The following NPAS3 variants were observed in gnomAD, a reference collection of about 807,000 sequenced individuals.
NPAS3 encodes the protein neuronal PAS domain-containing protein 3.
A neutral mutation model predicts 73.1 loss-of-function variants in NPAS3; 14 were observed. The ratio of observed to expected loss-of-function variants is 0.19; its 90% confidence interval spans 0.13 to 0.30. The LOEUF (loss-of-function observed/expected upper bound fraction) is 0.30. Among genes scored for constraint, NPAS3 ranks in the 10% least tolerant of loss-of-function variants. NPAS3 has a pLI of 1.00. For missense variants in NPAS3, 1,096 were observed against 1,250.0 expected (o/e 0.88, Z 1.86); for synonymous variants, 620 against 541.5 (o/e 1.14, Z -2.01).
At chr14:33,246,944 G>T (rs569019374) in intron 3 of NPAS3, among the ~76,000 whole-genome samples, 2 of 151,390 alleles carry the variant, frequency 1.3e-5, no homozygotes, top group African/African-American at 4.8e-5. Flanking sequence ...AACCTGGGAG[G>T]CAGATGTTGC....
chr14:33,523,888 G>T (rs2053671755), intron 4 of NPAS3, among the ~76,000 whole-genome samples: 1 of 152,084 alleles, frequency 6.6e-6, no homozygotes, highest in African/African-American at 2.4e-5. Flanking sequence ...TTATATGTGT[G>T]GGGCCACAAC....
intron 4 of NPAS3, among the ~76,000 whole-genome samples, chr14:33,446,183 T>G (rs1163808855): frequency 7.2e-6 from 1 of 138,346 alleles, no homozygotes; most frequent in Non-Finnish European, 1.6e-5. Context: ...TTTTTTTTTT[T>G]TTTGAGACGG....
chr14:33,197,237 C>CTGTGTGTGTGTGTGTGTGTG lies in NPAS3; in HGVS notation c.141-17933_141-17914dup, dbSNP rs11268151. Among the ~76,000 whole-genome samples, 271 of 135,296 alleles carry CTGTGTGTGTGTGTGTGTGTG rather than the reference C, an allele frequency of 2.0e-3. 1 individual carries two copies. The highest frequency in any genetic ancestry group is 4.6e-3 in the African/African-American group (170 of 37,360). 88.8% of individuals were successfully genotyped at this position (135,296 alleles called of 152,430 possible). A position where few individuals can be genotyped will look rare whatever the true frequency, so the allele number is the denominator to read the frequency against. On this transcript the variant is annotated intron_variant, in intron 2 of 11. Transcript: ENST00000356141. ...CTGCTCTGGGATGCACTCCAGCAGG[C>CTGTGTGTGTGTGTGTGTGTG]TGTGTGTGTGTGTGTGTGTGTGTGT...
intron 3 of NPAS3, among the ~76,000 whole-genome samples, chr14:33,313,483 T>C (rs1183732307): frequency 6.6e-6 from 1 of 152,120 alleles, no homozygotes; most frequent in African/African-American, 2.4e-5. Context: ...AAATGAAATG[T>C]CTATCCTGCT....
intron 3 of NPAS3, among the ~76,000 whole-genome samples, chr14:33,244,525 A>C (rs1315891167): frequency 6.6e-6 from 1 of 150,554 alleles, no homozygotes; most frequent in Non-Finnish European, 1.5e-5. Flanking sequence ...AAAAAAAAAA[A>C]CATATTTATC....
intron 4 of NPAS3, among the ~76,000 whole-genome samples, chr14:33,376,004 T>C (rs1250455584): frequency 2.0e-5 from 3 of 152,156 alleles, no homozygotes; most frequent in Admixed American, 1.3e-4. Context: ...ACTTACGGAA[T>C]TGGTTTCACT....
intron 3 of NPAS3, among the ~76,000 whole-genome samples, chr14:33,312,289 G>A (rs2043033924): frequency 6.6e-6 from 1 of 151,944 alleles, no homozygotes; most frequent in Non-Finnish European, 1.5e-5. Context: ...CTTTAGACTT[G>A]TAAAGATGTA....
intron 3 of NPAS3, among the ~76,000 whole-genome samples, chr14:33,312,845 G>T (rs2043059566): frequency 2.2e-5 from 1 of 45,448 alleles, no homozygotes; most frequent in Admixed American, 1.8e-4. Flanking sequence ...AGTGGAGTAG[G>T]GGGAAGCCAT....
At chr14:33,086,050 T>C (rs2042014896) in intron 2 of NPAS3, among the ~76,000 whole-genome samples, 1 of 152,156 alleles carries the variant, frequency 6.6e-6, no homozygotes, top group Admixed American at 6.5e-5. Flanking sequence ...ACAAGGTTAT[T>C]ATACTTTCTC....
intron 5 of NPAS3, among the ~76,000 whole-genome samples, chr14:33,653,318 T>C (rs1245713604): frequency 6.6e-6 from 1 of 152,220 alleles, no homozygotes; most frequent in Non-Finnish European, 1.5e-5. Flanking sequence ...AGAAACACAA[T>C]GGAAATTTCC....
chr14:33,044,660 T>TG (rs912728747), intron 1 of NPAS3, among the ~76,000 whole-genome samples: 79 of 152,004 alleles, frequency 5.2e-4, no homozygotes, highest in Middle Eastern at 6.8e-3. Context: ...GTTTGTTTTT[T>TG]TTTTTTTTGG....
intron 2 of NPAS3, among the ~76,000 whole-genome samples, chr14:33,204,780 G>T (rs185394170): frequency 3.3e-5 from 5 of 152,178 alleles, no homozygotes; most frequent in Non-Finnish European, 7.3e-5. Context: ...CTTGAGAAGG[G>T]ATGAAGACTT....
intron 1 of NPAS3, among the ~76,000 whole-genome samples, chr14:32,969,623 C>T (rs1339505934): frequency 1.3e-5 from 2 of 152,122 alleles, no homozygotes; most frequent in African/African-American, 4.8e-5. Context: ...GACTGAAAAA[C>T]AGTTCTTAGG....
intron 4 of NPAS3, among the ~76,000 whole-genome samples, chr14:33,500,116 C>T (rs928066765): frequency 2.0e-5 from 3 of 151,888 alleles, no homozygotes; most frequent in Non-Finnish European, 4.4e-5. Context: ...TTGAGGAAGG[C>T]ACCTAACCAT....
chr14:33,296,495 A>G (rs920949672), intron 3 of NPAS3, among the ~76,000 whole-genome samples: 3 of 152,230 alleles, frequency 2.0e-5, no homozygotes, highest in South Asian at 2.1e-4. Flanking sequence ...ATTTAAATCT[A>G]TTAAGCCCAG....
intron 1 of NPAS3, among the ~76,000 whole-genome samples, chr14:32,968,934 C>T (rs980002540): frequency 2.0e-5 from 3 of 152,148 alleles, no homozygotes; most frequent in African/African-American, 7.2e-5. Flanking sequence ...GATGCTCTCC[C>T]TCTTCGTTGA....
At chr14:33,198,143 C>G (rs1026338289) in intron 2 of NPAS3, among the ~76,000 whole-genome samples, 1 of 152,154 alleles carries the variant, frequency 6.6e-6, no homozygotes, top group African/African-American at 2.4e-5. Context: ...AACTGCAGAC[C>G]TTCGCAGTGT....
chr14:33,506,195 G>A (rs1324955770), intron 4 of NPAS3, among the ~76,000 whole-genome samples: 1 of 151,712 alleles, frequency 6.6e-6, no homozygotes, highest in Admixed American at 6.6e-5. Context: ...AACACAATAC[G>A]GGCTTTATAA....
intron 7 of NPAS3, among the ~76,000 whole-genome samples, chr14:33,740,033 A>AT (rs1407349837): frequency 6.6e-6 from 1 of 152,124 alleles, no homozygotes; most frequent in Non-Finnish European, 1.5e-5. Context: ...GCATTTTGAG[A>AT]TTTTACTTAC....
Sources: allele counts gnomAD v4.1 joint callset (sites outside exome capture counted in the v4.1 genomes callset), GRCh38; gene constraint gnomAD v4.1.1; transcripts MANE v1.5; gene names NCBI Gene and HGNC (gene_info 2026-07-23, HGNC 2026-07-21).